TRPC1: variants seen among roughly 807,000 people sequenced by gnomAD.
The protein encoded by TRPC1 is transient receptor potential cation channel subfamily C member 1, also known as short transient receptor potential channel 1.
Under a neutral mutation model 88.2 loss-of-function variants are expected in TRPC1, and 42 were observed. The ratio of observed to expected loss-of-function variants is 0.48; its 90% CI spans 0.37 to 0.62. TRPC1 has a LOEUF of 0.62. TRPC1 is among the 20% of genes least tolerant of loss of function. TRPC1 has a pLI of 0.00. For missense variants in TRPC1, 699 were observed against 957.3 expected, an observed-to-expected ratio of 0.73 and a Z score of 3.56; for synonymous variants, 288 against 331.8, an observed-to-expected ratio of 0.87 and a Z score of 1.43.
At chr3:142,750,464 G>A (rs1934715438) in intron 4 of TRPC1, among the ~76,000 whole-genome samples, 1 of 152,176 alleles carries the variant, frequency 6.6e-6, no homozygotes, top group African/African-American at 2.4e-5. Flanking sequence ...TACACTGTTG[G>A]TGGGAGTGCA....
chr3:142,791,279 T>A, intron 8 of TRPC1, 121 bp downstream of exon 8: 1 of 863,872 alleles, frequency 1.2e-6, no homozygotes. Flanking sequence ...TGTTTTCATT[T>A]TAAGCCTATC....
At chr3:142,764,813 G>T (rs892830364) in intron 4 of TRPC1, among the ~76,000 whole-genome samples, 4 of 152,174 alleles carry the variant, frequency 2.6e-5, no homozygotes, top group Admixed American at 1.3e-4. Flanking sequence ...GTTTTGGAAA[G>T]TTTTCTGTTG....
At chr3:142,773,938 T>C (rs1577984679) in intron 4 of TRPC1, among the ~76,000 whole-genome samples, 1 of 151,848 alleles carries the variant, frequency 6.6e-6, no homozygotes, top group African/African-American at 2.4e-5. Context: ...TTTTTTCCTG[T>C]TTTGTTGTTT....
At chr3:142,787,545 T>G (rs1936169703) in intron 7 of TRPC1, among the ~76,000 whole-genome samples, 1 of 152,190 alleles carries the variant, frequency 6.6e-6, no homozygotes. Flanking sequence ...TGGTATCCTT[T>G]TACTTAATTT....
chr3:142,800,922 G>GA (rs34332451), intron 9 of TRPC1, among the ~76,000 whole-genome samples: 1,519 of 118,096 alleles, frequency 0.013, 11 homozygotes, highest in Admixed American at 0.025. Flanking sequence ...TAAAAAGAAA[G>GA]AAAAAAAAAA....
chr3:142,755,470 G>A (rs1934930340), intron 4 of TRPC1, among the ~76,000 whole-genome samples: 1 of 152,074 alleles, frequency 6.6e-6, no homozygotes, highest in East Asian at 1.9e-4. Context: ...GTGTTAGATT[G>A]GAAACTAGTC....
In TRPC1 at chr3:142,724,583, C is replaced by A; in HGVS notation, c.24C>A (p.Ser8Arg). 6.3e-7 allele frequency: 1 copy of A among 1,592,898 alleles called. No homozygotes were observed. The highest frequency in any genetic ancestry group is 1.3e-5 in the African/African-American group (1 of 74,284). The change falls in exon 1 of 13, where the codon AGC becomes AGA. Residue 8 changes from serine to arginine, a missense_variant. By Grantham distance (110) the Ser-to-Arg change is moderately radical. Coordinates refer to ENST00000476941, the MANE Select transcript of TRPC1 (RefSeq NM_001251845.2). This position sits in a 1 kb window ranked among gnomAD's most constrained non-coding sequence, Gnocchi z 5.6. ...CGATGATGGCGGCCCTGTACCCGAG[C>A]ACGGACCTCTCGGGCGCCTCCTCCT... MMAALYP[S>R]TDLSGASSSS...
chr3:142,778,955 T>A (rs1935872136), intron 5 of TRPC1, among the ~76,000 whole-genome samples: 1 of 152,216 alleles, frequency 6.6e-6, no homozygotes, highest in African/African-American at 2.4e-5. Context: ...ACACAAAACA[T>A]GGTTCAAATG....
chr3:142,732,399 C>G (rs1933957702), intron 1 of TRPC1, among the ~76,000 whole-genome samples: 1 of 152,132 alleles, frequency 6.6e-6, no homozygotes, highest in Non-Finnish European at 1.5e-5. Context: ...CGGCCTTCAG[C>G]TGTTAGAAAC....
chr3:142,792,976 T>A lies in TRPC1; in HGVS notation c.1581+9T>A, dbSNP rs1385234723. 1.9e-6 allele frequency: 3 copies of A among 1,564,544 alleles called. No individual in the cohort carries two copies. The highest frequency in any genetic ancestry group is 8.6e-7 in the Non-Finnish European group (1 of 1,159,144). ...TCTTGGGTCCATTACAGGTAAATAATTAAAATTTCTTAAAGAACATTTTTT... is the reference window on the plus strand; with the variant it reads ...TCTTGGGTCCATTACAGGTAAATAAATAAAATTTCTTAAAGAACATTTTTT... On this transcript the variant is annotated intron_variant, in intron 9 of 12. Coordinates refer to ENST00000476941, the MANE Select transcript of TRPC1 (RefSeq NM_001251845.2). The surrounding 1 kb of genome is among the most constrained non-coding windows in gnomAD (Gnocchi z 4.0).
intron 7 of TRPC1, 155 bp downstream of exon 7, chr3:142,785,195 A>G: frequency 1.7e-6 from 1 of 592,686 alleles, no homozygotes. Context: ...AGACTTAACT[A>G]ACATGTCTGT....
rs755361797 is a variant in TRPC1 at position 142,792,883 on chromosome 3, A to C, written c.1497A>C (p.Glu499Asp). 1.9e-6 allele frequency: 3 copies of C among 1,609,936 alleles called. No homozygotes were observed. The East Asian group carries it at 6.7e-5, about 36-fold the overall frequency. ...CATTCCATCCTACACTGGTGGCAGA[A>C]GGGCTTTTTGCATTTGCAAATGTTC... ...WDAFHPTLVA[E>D]GLFAFANVLS... The change falls in exon 9 of 13, where the codon GAA (glutamate) becomes GAC (aspartate). Residue 499 changes from glutamate (E) to aspartate (D), a missense_variant. Physicochemically the swap from Glu to Asp is conservative, Grantham distance 45 (BLOSUM62 2). This residue lies in a region of TRPC1 where 426 missense variants were observed against 641.3 expected (regional missense o/e 0.66). Coordinates refer to ENST00000476941, the MANE Select transcript of TRPC1 (RefSeq NM_001251845.2). This position sits in a 1 kb window ranked among gnomAD's most constrained non-coding sequence, Gnocchi z 4.0.
intron 3 of TRPC1, among the ~76,000 whole-genome samples, chr3:142,744,406 G>A (rs762928219): frequency 5.9e-4 from 89 of 152,092 alleles, no homozygotes; most frequent in Non-Finnish European, 6.9e-4. Context: ...ACTTATCAAG[G>A]AAATGGTCAG....
At chr3:142,794,750 C>CCGA (rs1323667305) in intron 9 of TRPC1, among the ~76,000 whole-genome samples, 1 of 152,096 alleles carries the variant, frequency 6.6e-6, no homozygotes, top group Non-Finnish European at 1.5e-5. Flanking sequence ...ACCATCTCAT[C>CCGA]CGACGGGATT....
chr3:142,731,112 T>C (rs1165164874), intron 1 of TRPC1, among the ~76,000 whole-genome samples: 1 of 152,182 alleles, frequency 6.6e-6, no homozygotes, highest in East Asian at 1.9e-4. Flanking sequence ...TCTGGTATTT[T>C]GTATACTAGT....
chr3:142,743,405 TTTTA>T, intron 2 of TRPC1, 76 bp from the exon 3 acceptor site: 1 of 1,145,042 alleles, frequency 8.7e-7, no homozygotes, highest in Non-Finnish European at 1.2e-6. Context: ...TTTTAAAAAG[TTTTA>T]TTTATGAATT....
chr3:142,786,264 T>C (rs1936131649), intron 7 of TRPC1, among the ~76,000 whole-genome samples: 1 of 152,226 alleles, frequency 6.6e-6, no homozygotes, highest in African/African-American at 2.4e-5. Flanking sequence ...ATTTATCTTT[T>C]GATTACTACA....
intron 4 of TRPC1, among the ~76,000 whole-genome samples, chr3:142,761,912 T>A (rs929645977): frequency 1.1e-4 from 16 of 152,164 alleles, no homozygotes; most frequent in African/African-American, 3.9e-4. Flanking sequence ...AAGGTTTCAG[T>A]TATATCTCCT....
At chr3:142,727,798 G>A (rs569955339) in intron 1 of TRPC1, among the ~76,000 whole-genome samples, 30 of 152,214 alleles carry the variant, frequency 2.0e-4, no homozygotes, top group Middle Eastern at 3.4e-3. Flanking sequence ...GTTGTTTTAT[G>A]AAAAATTAAG....
Sources: allele counts gnomAD v4.1 joint callset (sites outside exome capture counted in the v4.1 genomes callset), GRCh38; gene constraint gnomAD v4.1.1; regional missense constraint gnomAD v4.1.1; non-coding constraint Gnocchi (gnomAD v3.1); transcripts MANE v1.5; gene names NCBI Gene and HGNC (gene_info 2026-07-23, HGNC 2026-07-21).